Variants in THSD7B observed in about 807,000 individuals in gnomAD.
THSD7B encodes the protein thrombospondin type 1 domain containing 7B.
THSD7B carries 138 observed loss-of-function variants against 213.6 expected under a neutral mutation model. That is an observed-to-expected ratio of 0.65 (90% CI 0.56 to 0.74). The LOEUF is 0.74. Among genes scored for constraint, THSD7B ranks in the 30% least tolerant of loss-of-function variants. The pLI is 0.00. For synonymous variants in THSD7B, 742 were observed against 687.0 expected (o/e 1.08, Z -1.25); for missense variants, 1,931 against 1,991.5 (o/e 0.97, Z 0.58).
chr2:136,905,070 A>C (rs2105016593), intron 2 of THSD7B, among the ~76,000 whole-genome samples: 1 of 152,326 alleles, frequency 6.6e-6, no homozygotes, highest in South Asian at 2.1e-4. Flanking sequence ...CTTATGAACT[A>C]TGTAGGTGTA....
chr2:136,942,350 G>T (rs889661693), intron 2 of THSD7B, among the ~76,000 whole-genome samples: 1 of 152,130 alleles, frequency 6.6e-6, no homozygotes, highest in African/African-American at 2.4e-5. Context: ...GGTTCCATAT[G>T]AACTTTAAAG....
At chr2:137,633,992 T>G (rs969069836) in intron 20 of THSD7B, among the ~76,000 whole-genome samples, 1 of 152,182 alleles carries the variant, frequency 6.6e-6, no homozygotes, top group East Asian at 1.9e-4. Flanking sequence ...TTCCTTTGCT[T>G]CTTTTTCACT....
chr2:137,042,546 C>T (rs949058575), intron 2 of THSD7B, among the ~76,000 whole-genome samples: 2 of 152,054 alleles, frequency 1.3e-5, no homozygotes, highest in African/African-American at 4.8e-5. Flanking sequence ...TTTGTTTAAC[C>T]CTGTATCATT....
intron 2 of THSD7B, among the ~76,000 whole-genome samples, chr2:136,892,036 T>G (rs988688250): frequency 1.3e-5 from 2 of 152,102 alleles, no homozygotes; most frequent in African/African-American, 2.4e-5. Flanking sequence ...TCTTCAGGTA[T>G]CCCTTTCTCT....
intron 12 of THSD7B, among the ~76,000 whole-genome samples, chr2:137,313,849 T>G (rs1378333493): frequency 3.3e-5 from 5 of 152,194 alleles, no homozygotes; most frequent in South Asian, 2.1e-4. Context: ...CTCTCTTCTG[T>G]CTTGTAGAGT....
At chr2:137,334,855 GT>G (rs1252513498) in intron 12 of THSD7B, among the ~76,000 whole-genome samples, 1 of 152,152 alleles carries the variant, frequency 6.6e-6, no homozygotes, top group African/African-American at 2.4e-5. Context: ...GAAAGTAATT[GT>G]CTTATGGGAG....
intron 3 of THSD7B, among the ~76,000 whole-genome samples, chr2:137,073,337 A>AAG (rs1687541134): frequency 2.0e-5 from 3 of 151,942 alleles, no homozygotes; most frequent in Non-Finnish European, 4.4e-5. Flanking sequence ...TCTTGGGAGG[A>AAG]TGTATGTGTC....
intron 14 of THSD7B, among the ~76,000 whole-genome samples, chr2:137,418,170 C>G (rs889314531): frequency 1.3e-5 from 2 of 152,114 alleles, no homozygotes; most frequent in South Asian, 2.1e-4. Flanking sequence ...CTCTTCTATC[C>G]ACTTTTCTCC....
Position 136,950,551 on chromosome 2 carries a change from C to T in THSD7B, c.139+68234C>T, listed in dbSNP as rs111566060. Among the ~76,000 whole-genome samples, 954 of 152,246 alleles carry T rather than the reference C, an allele frequency of 6.3e-3. 2 individuals carry two copies. Among genetic ancestry groups the T allele is most frequent in the Admixed American group, 0.01 (159 of 15,282 alleles). On this transcript the variant is annotated intron_variant, in intron 2 of 27. Coordinates refer to ENST00000409968, the MANE Select transcript of THSD7B (RefSeq NM_001316349.2). Reference sequence around the variant, plus strand: ...TTTTACTGCCTGTCCTTGTCATAAACGTGACTTTACGTCTGATTCTTAATA... The same window carrying T: ...TTTTACTGCCTGTCCTTGTCATAAATGTGACTTTACGTCTGATTCTTAATA...
intron 7 of THSD7B, among the ~76,000 whole-genome samples, chr2:137,195,487 A>G (rs948354397): frequency 2.0e-5 from 3 of 152,112 alleles, no homozygotes; most frequent in African/African-American, 7.2e-5. Context: ...TTCATGTGCC[A>G]AAAAGTAAGA....
chr2:137,068,189 A>G (rs1243820311), intron 3 of THSD7B, among the ~76,000 whole-genome samples: 3 of 151,902 alleles, frequency 2.0e-5, no homozygotes, highest in Non-Finnish European at 4.4e-5. Flanking sequence ...CTTTTTTCTT[A>G]TTGTGAGGAA....
At chr2:137,398,438 G>C (rs1261360291) in intron 12 of THSD7B, among the ~76,000 whole-genome samples, 19 of 151,446 alleles carry the variant, frequency 1.3e-4, no homozygotes, top group Non-Finnish European at 1.9e-4. Flanking sequence ...AGGTGTCAGT[G>C]TGCCCCTGCT....
intron 15 of THSD7B, among the ~76,000 whole-genome samples, chr2:137,485,452 T>G (rs969522202): frequency 1.3e-5 from 2 of 152,152 alleles, no homozygotes; most frequent in Non-Finnish European, 2.9e-5. Flanking sequence ...AAGTCAGGTA[T>G]CATGATGCCT....
intron 14 of THSD7B, among the ~76,000 whole-genome samples, chr2:137,443,721 A>T (rs569729039): frequency 6.6e-6 from 1 of 152,186 alleles, no homozygotes; most frequent in Admixed American, 6.6e-5. Context: ...TGAATAGCTC[A>T]TCTACATCCA....
chr2:136,948,208 T>C lies in THSD7B; in HGVS notation c.139+65891T>C, dbSNP rs1328535071. On this transcript the variant is annotated intron_variant, in intron 2 of 27. Coordinates refer to ENST00000409968, the MANE Select transcript of THSD7B (RefSeq NM_001316349.2). ...ATCATTACTGCCTACTTGTCACACA[T>C]TGACTTTCTTGAAAATTTAAGTTGC... 3.9e-5 allele frequency among the ~76,000 whole-genome samples: 6 copies of C among 152,278 alleles called. No homozygotes were observed. In the South Asian group the frequency reaches 6.2e-4, roughly 16 times the overall value.
At chr2:137,460,494 A>G (rs140252982) in intron 15 of THSD7B, among the ~76,000 whole-genome samples, 1 of 152,018 alleles carries the variant, frequency 6.6e-6, no homozygotes, top group South Asian at 2.1e-4. Flanking sequence ...CATTTATCTC[A>G]TGGAGCATTT....
intron 12 of THSD7B, among the ~76,000 whole-genome samples, chr2:137,365,750 G>A (rs532004987): frequency 6.6e-6 from 1 of 152,298 alleles, no homozygotes; most frequent in African/African-American, 2.4e-5. Flanking sequence ...AACAGATGCT[G>A]GAGAGGATGT....
At chr2:136,872,433 A>G (rs1166987627) in intron 1 of THSD7B, among the ~76,000 whole-genome samples, 1 of 151,834 alleles carries the variant, frequency 6.6e-6, no homozygotes, top group Non-Finnish European at 1.5e-5. Context: ...AACTCTCCAT[A>G]CCCTTGATAC....
At chr2:136,771,863 A>G (rs1222377386) in intron 1 of THSD7B, among the ~76,000 whole-genome samples, 37 of 152,134 alleles carry the variant, frequency 2.4e-4, no homozygotes, top group Admixed American at 2.4e-3. Context: ...AATAACAGCC[A>G]TTTGAGGATC....
Sources: gnomAD v4.1 joint callset for allele counts (sites outside exome capture counted in the v4.1 genomes callset) on GRCh38, gnomAD v4.1.1 for gene constraint, MANE v1.5 for transcripts, NCBI Gene and HGNC (gene_info 2026-07-23, HGNC 2026-07-21) for gene names.